Variants in GALNTL6 observed in about 807,000 individuals in gnomAD.
GALNTL6 encodes polypeptide N-acetylgalactosaminyltransferase like 6.
In GALNTL6, 46 loss-of-function variants were observed where a neutral mutation model predicts 73.7. The ratio of observed to expected loss-of-function variants is 0.62; its 90% CI spans 0.49 to 0.80. GALNTL6 has a LOEUF of 0.80. Among genes scored for constraint, GALNTL6 ranks in the 30% least tolerant of loss-of-function variants. The pLI, the probability that GALNTL6 is intolerant of heterozygous loss-of-function variation, is 0.00. For synonymous variants in GALNTL6, 259 were observed against 263.7 expected, an observed-to-expected ratio of 0.98 and a Z score of 0.17; for missense variants, 604 against 755.0, an observed-to-expected ratio of 0.80 and a Z score of 2.34.
chr4:172,616,342 CCTAA>C (rs1738730149), intron 5 of GALNTL6, among the ~76,000 whole-genome samples: 1 of 151,924 alleles, frequency 6.6e-6, no homozygotes, highest in Admixed American at 6.6e-5. Context: ...CTTATTTGGT[CCTAA>C]CTGACTTCTT....
intron 5 of GALNTL6, among the ~76,000 whole-genome samples, chr4:172,659,645 C>A (rs1016819812): frequency 6.6e-6 from 1 of 152,050 alleles, no homozygotes; most frequent in Non-Finnish European, 1.5e-5. Context: ...ATTGGATAGG[C>A]CATAGTCTGC....
At chr4:172,988,789 G>A (rs1470211619) in intron 10 of GALNTL6, among the ~76,000 whole-genome samples, 2 of 152,240 alleles carry the variant, frequency 1.3e-5, no homozygotes, top group Non-Finnish European at 2.9e-5. Flanking sequence ...TAGGTCTCAG[G>A]CCACTGCTCC....
intron 2 of GALNTL6, among the ~76,000 whole-genome samples, chr4:171,905,188 A>G (rs1198719967): frequency 6.6e-6 from 1 of 152,016 alleles, no homozygotes; most frequent in Non-Finnish European, 1.5e-5. Flanking sequence ...CAATTAAAAG[A>G]CACAGACTGG....
At chr4:171,952,853 A>C (rs1187968577) in intron 2 of GALNTL6, among the ~76,000 whole-genome samples, 1 of 127,358 alleles carries the variant, frequency 7.9e-6, no homozygotes, top group Non-Finnish European at 1.7e-5. Context: ...TTTAGAAAGT[A>C]ATAAATATAT....
rs138137656 is a variant in GALNTL6 at position 172,411,873 on chromosome 4, A to G, written c.553+63184A>G. 1.1e-3 allele frequency among the ~76,000 whole-genome samples: 166 copies of G among 152,228 alleles called. 1 individual carries two copies. The highest frequency in any genetic ancestry group is 3.6e-3 in the African/African-American group (149 of 41,550). On this transcript the variant is annotated intron_variant, in intron 5 of 12. Transcript: ENST00000506823. ...AAAATAGCGAGAAAATCAGACAAAA[A>G]TCCCTACTTTCATGGCGTTTATATT... is the stretch of plus-strand genomic sequence containing the variant.
intron 3 of GALNTL6, among the ~76,000 whole-genome samples, chr4:172,231,889 T>C (rs1341919097): frequency 6.6e-6 from 1 of 152,112 alleles, no homozygotes; most frequent in African/African-American, 2.4e-5. Context: ...TAAACTTGTC[T>C]TTTCTATCTT....
At chr4:172,724,224 C>T (rs1227853822) in intron 5 of GALNTL6, among the ~76,000 whole-genome samples, 1 of 152,160 alleles carries the variant, frequency 6.6e-6, no homozygotes, top group African/African-American at 2.4e-5. Context: ...AGATTTCAAT[C>T]CTTCTTCTCA....
intron 5 of GALNTL6, among the ~76,000 whole-genome samples, chr4:172,772,281 G>A (rs1579461157): frequency 6.6e-6 from 1 of 152,090 alleles, no homozygotes; most frequent in African/African-American, 2.4e-5. Context: ...TTAATTATTT[G>A]TAATGTATTA....
At chr4:172,170,508 G>GT (rs1197633372) in intron 2 of GALNTL6, among the ~76,000 whole-genome samples, 22,657 of 120,040 alleles carry the variant, frequency 0.19, 2,589 homozygotes, top group African/African-American at 0.23. Flanking sequence ...TTCTTTGGTG[G>GT]TTTTTTTTTT....
At position 172,563,648 on chromosome 4, in the gene GALNTL6, A is replaced by T. The variant is rs1183105573; in HGVS notation, c.553+214959A>T. ...ATATTTTAAACAGACAGTAGTTTTA[A>T]TCTCAAGGCAGCTTTGTATAGTAAG... On this transcript the variant is annotated intron_variant, in intron 5 of 12. Transcript: ENST00000506823. 2.6e-5 allele frequency among the ~76,000 whole-genome samples: 4 copies of T among 152,224 alleles called. No individual in the cohort carries two copies. The South Asian group carries it at 8.3e-4, about 32-fold the overall frequency.
At chr4:172,263,930 C>G (rs1738343792) in intron 3 of GALNTL6, among the ~76,000 whole-genome samples, 1 of 151,368 alleles carries the variant, frequency 6.6e-6, no homozygotes, top group Non-Finnish European at 1.5e-5. Flanking sequence ...TGGGCTTTGT[C>G]TATGGGAATC....
chr4:171,918,593 A>G (rs1253515369), intron 2 of GALNTL6, among the ~76,000 whole-genome samples: 1 of 152,168 alleles, frequency 6.6e-6, no homozygotes, highest in African/African-American at 2.4e-5. Flanking sequence ...GAGGTTCCTC[A>G]AAAAATTTTA....
chr4:172,054,754 T>C (rs1358114765), intron 2 of GALNTL6, among the ~76,000 whole-genome samples: 1 of 152,166 alleles, frequency 6.6e-6, no homozygotes, highest in Non-Finnish European at 1.5e-5. Context: ...CCGTATTCAA[T>C]AGTATAAAGG....
At chr4:172,318,548 A>G (rs1414173776) in intron 4 of GALNTL6, among the ~76,000 whole-genome samples, 1 of 152,098 alleles carries the variant, frequency 6.6e-6, no homozygotes, top group Non-Finnish European at 1.5e-5. Context: ...TAAAAATAGA[A>G]AAAATTAGCT....
At chr4:171,857,314 G>A (rs1408989710) in intron 2 of GALNTL6, among the ~76,000 whole-genome samples, 1 of 151,952 alleles carries the variant, frequency 6.6e-6, no homozygotes, top group Non-Finnish European at 1.5e-5. Context: ...ATATTACCCC[G>A]AAAAATGCTC....
intron 8 of GALNTL6, among the ~76,000 whole-genome samples, chr4:172,887,275 A>T (rs996192806): frequency 3.9e-5 from 6 of 152,224 alleles, no homozygotes; most frequent in African/African-American, 1.4e-4. Flanking sequence ...TGTTATCATG[A>T]ATAGTGCTGC....
intron 10 of GALNTL6, among the ~76,000 whole-genome samples, chr4:172,969,376 C>T (rs1378596525): frequency 6.6e-6 from 1 of 151,762 alleles, no homozygotes; most frequent in African/African-American, 2.4e-5. Context: ...CATAAAATTC[C>T]CAAAAGAAGG....
intron 5 of GALNTL6, among the ~76,000 whole-genome samples, chr4:172,450,518 G>A (rs947264141): frequency 2.0e-5 from 3 of 152,086 alleles, no homozygotes; most frequent in South Asian, 2.1e-4. Context: ...TTAGTTCAAC[G>A]TACAGAATCC....
chr4:172,778,717 C>A (rs1039759535), intron 5 of GALNTL6, among the ~76,000 whole-genome samples: 3 of 152,166 alleles, frequency 2.0e-5, no homozygotes, highest in Admixed American at 2.0e-4. Context: ...CTGTCACGAC[C>A]AAACTTGGAC....
Sources: gnomAD v4.1 joint callset for allele counts (sites outside exome capture counted in the v4.1 genomes callset) on GRCh38, gnomAD v4.1.1 for gene constraint, MANE v1.5 for transcripts, NCBI Gene and HGNC (gene_info 2026-07-23, HGNC 2026-07-21) for gene names.